PIK3CB: variants seen among roughly 807,000 people sequenced by gnomAD.
PIK3CB encodes phosphatidylinositol 4,5-bisphosphate 3-kinase catalytic subunit beta isoform.
A neutral mutation model predicts 136.8 loss-of-function variants in PIK3CB; 39 were observed. That is an observed-to-expected ratio of 0.29 (90% CI 0.22 to 0.37). The LOEUF is 0.37. PIK3CB is among the 10% of genes least tolerant of loss of function. PIK3CB has a pLI of 1.00. For synonymous variants in PIK3CB, 428 were observed against 436.6 expected, an observed-to-expected ratio of 0.98 and a Z score of 0.25; for missense variants, 868 against 1,275.4, an observed-to-expected ratio of 0.68 and a Z score of 4.87.
chr3:138,756,560 C>T (rs542004498), intron 3 of PIK3CB, among the ~76,000 whole-genome samples: 2 of 152,298 alleles, frequency 1.3e-5, no homozygotes, highest in South Asian at 2.1e-4. Flanking sequence ...ATCAATCTCT[C>T]AACATCTCTT....
At chr3:138,784,760 G>A (rs1213850802) in intron 2 of PIK3CB, among the ~76,000 whole-genome samples, 1 of 152,216 alleles carries the variant, frequency 6.6e-6, no homozygotes, top group African/African-American at 2.4e-5. Context: ...GAATGCAGTG[G>A]CGTGATCTCA....
chr3:138,670,233 A>G (rs138068495), intron 19 of PIK3CB, among the ~76,000 whole-genome samples: 1 of 152,346 alleles, frequency 6.6e-6, no homozygotes, highest in Non-Finnish European at 1.5e-5. Flanking sequence ...GGGGTTTTCA[A>G]TTAGGCTGAT....
chr3:138,780,788 C>G (rs1298973413), intron 2 of PIK3CB, among the ~76,000 whole-genome samples: 124 of 152,242 alleles, frequency 8.1e-4, no homozygotes, highest in Non-Finnish European at 2.2e-4. Flanking sequence ...CCTGTCTCAG[C>G]CTCCTAAGTA....
intron 1 of PIK3CB, among the ~76,000 whole-genome samples, chr3:138,831,317 G>A (rs182856851): frequency 1.4e-4 from 21 of 146,484 alleles, no homozygotes; most frequent in Admixed American, 5.3e-4. Flanking sequence ...ATAGTGCTAG[G>A]CGCAGTGGCT....
At chr3:138,728,291 T>C (rs949584594) in intron 8 of PIK3CB, among the ~76,000 whole-genome samples, 4 of 152,126 alleles carry the variant, frequency 2.6e-5, no homozygotes, top group African/African-American at 9.7e-5. Context: ...ACCAACGTTA[T>C]TCTAATACCA....
At chr3:138,777,050 C>G (rs1465794470) in intron 2 of PIK3CB, among the ~76,000 whole-genome samples, 1 of 151,956 alleles carries the variant, frequency 6.6e-6, no homozygotes, top group Non-Finnish European at 1.5e-5. Context: ...AACATGGCCA[C>G]AAAATTATTT....
chr3:138,663,849 C>T, intron 21 of PIK3CB, 57 bp downstream of exon 21: 1 of 1,560,954 alleles, frequency 6.4e-7, no homozygotes, highest in Middle Eastern at 1.8e-4. Context: ...AGAGATTATG[C>T]TATACATAAG....
In PIK3CB at chr3:138,712,291, G is replaced by A. The variant is rs973976406; in HGVS notation, c.1316C>T (p.Ala439Val). 1.3e-6 allele frequency: 2 copies of A among 1,543,070 alleles called. No individual in the cohort carries two copies. The highest frequency in any genetic ancestry group is 1.8e-6 in the Non-Finnish European group (2 of 1,132,590). ...RKAGKVHYPV[A>V]WVNTMVFDFK... Reference sequence around the variant, plus strand: ...GTCAAAAACCATCGTATTTACCCACGCTACAGGATAATGCTGTTGAAAAAG... The same window carrying A: ...GTCAAAAACCATCGTATTTACCCACACTACAGGATAATGCTGTTGAAAAAG... Residue 439 changes from alanine (A) to valine (V), a missense_variant, in exon 10 of 24, where the codon GCG (alanine) becomes GTG (valine). This residue lies in a region of PIK3CB where 612 missense variants were observed against 801.1 expected (regional missense o/e 0.76). Coordinates refer to ENST00000674063, the MANE Select transcript of PIK3CB (RefSeq NM_006219.3).
intron 4 of PIK3CB, among the ~76,000 whole-genome samples, chr3:138,755,139 ATT>A (rs2045541940): frequency 6.6e-6 from 1 of 152,208 alleles, no homozygotes; most frequent in African/African-American, 2.4e-5. Flanking sequence ...AAGAAGTAAA[ATT>A]TGTCAATAAT....
At chr3:138,733,490 T>G (rs376049200) in intron 7 of PIK3CB, 52 bp from the exon 8 acceptor site, 102 of 916,438 alleles carry the variant, frequency 1.1e-4, no homozygotes, top group Admixed American at 6.3e-4. Context: ...AAATGAATAT[T>G]CTATGCTAGC....
intron 9 of PIK3CB, 89 bp downstream of exon 9, chr3:138,714,379 T>C (rs2044565812): frequency 1.2e-6 from 1 of 829,290 alleles, no homozygotes. Flanking sequence ...TTACCTAATA[T>C]AATTTAACTT....
At chr3:138,799,812 A>G (rs1264669634) in intron 1 of PIK3CB, among the ~76,000 whole-genome samples, 1 of 151,826 alleles carries the variant, frequency 6.6e-6, no homozygotes, top group Non-Finnish European at 1.5e-5. Flanking sequence ...CTAGTAGCTG[A>G]GACCTCAGGT....
chr3:138,788,007 C>T (rs1409861656), intron 2 of PIK3CB, among the ~76,000 whole-genome samples: 1 of 151,162 alleles, frequency 6.6e-6, no homozygotes, highest in African/African-American at 2.4e-5. Flanking sequence ...AGTACAACTT[C>T]CGCCTCCCAG....
chr3:138,815,656 T>G (rs1278672499), intron 1 of PIK3CB, among the ~76,000 whole-genome samples: 2 of 151,518 alleles, frequency 1.3e-5, no homozygotes, highest in South Asian at 4.2e-4. Context: ...AGAGTGGGGG[T>G]TTACATGTAT....
At chr3:138,693,344 G>A (rs112297180) in intron 14 of PIK3CB, among the ~76,000 whole-genome samples, 4,018 of 151,554 alleles carry the variant, frequency 0.027, 194 homozygotes, top group African/African-American at 0.093. Flanking sequence ...ATCTGCCTGC[G>A]TTTGTCTCCC....
intron 1 of PIK3CB, among the ~76,000 whole-genome samples, chr3:138,803,479 A>G (rs1481571025): frequency 1.3e-5 from 2 of 152,200 alleles, no homozygotes; most frequent in African/African-American, 2.4e-5. Context: ...AACACAGGAC[A>G]CACATTTGCC....
At chr3:138,833,924 G>C (rs949979744) in intron 1 of PIK3CB, among the ~76,000 whole-genome samples, 3 of 152,174 alleles carry the variant, frequency 2.0e-5, no homozygotes, top group Non-Finnish European at 4.4e-5. Context: ...GAGACTGCAG[G>C]ATTCTAGTAA....
At chr3:138,803,491 C>T (rs2046199031) in intron 1 of PIK3CB, among the ~76,000 whole-genome samples, 1 of 152,216 alleles carries the variant, frequency 6.6e-6, no homozygotes, top group South Asian at 2.1e-4. Context: ...ACATTTGCCT[C>T]TCTTGCTTAT....
chr3:138,788,376 G>T (rs752755846), intron 2 of PIK3CB, among the ~76,000 whole-genome samples: 31 of 152,098 alleles, frequency 2.0e-4, no homozygotes, highest in Non-Finnish European at 3.7e-4. Flanking sequence ...TATACTACTG[G>T]CTGGGCACAG....
Sources: gnomAD v4.1 joint callset for allele counts (sites outside exome capture counted in the v4.1 genomes callset) on GRCh38, gnomAD v4.1.1 for gene constraint, gnomAD v4.1.1 regional missense constraint, MANE v1.5 for transcripts, NCBI Gene and HGNC (gene_info 2026-07-23, HGNC 2026-07-21) for gene names.